The following DLGAP2 variants were observed in gnomAD, a reference collection of about 807,000 sequenced individuals.
DLGAP2 encodes the protein disks large-associated protein 2.
In DLGAP2, 26 loss-of-function variants were observed where a neutral mutation model predicts 100.3. That is an observed-to-expected ratio of 0.26 (90% confidence interval 0.19 to 0.36). DLGAP2 has a LOEUF of 0.36. Ranked by LOEUF, DLGAP2 falls within the 10% of genes least tolerant of loss-of-function variation. The pLI, the probability that DLGAP2 is intolerant of heterozygous loss-of-function variation, is 1.00. For synonymous variants in DLGAP2, 886 were observed against 630.1 expected (o/e 1.41, Z -6.08); for missense variants, 1,858 against 1,453.2 (o/e 1.28, Z -4.53).
chr8:801,172 A>G (rs143656301), intron 1 of DLGAP2, among the ~76,000 whole-genome samples: 9 of 152,348 alleles, frequency 5.9e-5, no homozygotes, highest in Non-Finnish European at 1.0e-4. Context: ...TTCACAGAGT[A>G]CTGGGTGCAC....
rs1563275296 is a variant in DLGAP2, at chr8:1,641,905, G to GA, written c.1810+8860dup. ...GCCGGTCCTCACCTGTGTCACCCTC[G>GA]ACCCCGCCGGCCCTCACCTGTGTCA... On this transcript the variant is annotated intron_variant, in intron 8 of 14. Coordinates refer to ENST00000637795, the MANE Select transcript of DLGAP2 (RefSeq NM_001346810.2). Among the ~76,000 whole-genome samples, 40 of 108,982 alleles carry GA rather than the reference G, an allele frequency of 3.7e-4. 1 individual carries two copies. Among genetic ancestry groups the GA allele is most frequent in the African/African-American group, 1.5e-3 (34 of 22,902 alleles). 71.5% of individuals were successfully genotyped at this position (108,982 alleles called of 152,430 possible). A position where few individuals can be genotyped will look rare whatever the true frequency, so the allele number is the denominator to read the frequency against.
intron 4 of DLGAP2, among the ~76,000 whole-genome samples, chr8:1,526,325 G>A (rs1295033779): frequency 3.3e-5 from 5 of 151,922 alleles, no homozygotes; most frequent in African/African-American, 7.2e-5. Flanking sequence ...TTACCTGCAC[G>A]CCTACCGGCA....
chr8:1,602,257 TTTCTAATTAATGACA>T (rs1796652052), intron 6 of DLGAP2, among the ~76,000 whole-genome samples: 1 of 152,162 alleles, frequency 6.6e-6, no homozygotes, highest in African/African-American at 2.4e-5. Context: ...AATGTTGTTA[TTTCTAATTAATGACA>T]TTCTAGTAGA....
rs1490337435 is a variant in DLGAP2 at position 1,704,799 on chromosome 8, T to C, written c.*3393T>C. 6.6e-6 allele frequency: 1 copy of C among 151,480 alleles called. No individual in the cohort carries two copies. Among genetic ancestry groups the C allele is most frequent in the Non-Finnish European group, 1.5e-5 (1 of 67,882 alleles). 9.4% of individuals were successfully genotyped at this position (151,480 alleles called of 1,614,324 possible). On this transcript the variant is annotated 3_prime_UTR_variant, in exon 15 of 15. Transcript: ENST00000637795. Reference sequence around the variant, plus strand: ...AAAAAAAAAAAGCCTACAAACTCAGTGACCTACTACGCAGAGGGAATTTTT... The same window carrying C: ...AAAAAAAAAAAGCCTACAAACTCAGCGACCTACTACGCAGAGGGAATTTTT...
intron 6 of DLGAP2, among the ~76,000 whole-genome samples, chr8:1,610,730 A>G (rs919385163): frequency 6.9e-6 from 1 of 145,470 alleles, no homozygotes; most frequent in Non-Finnish European, 1.5e-5. Flanking sequence ...CCACAGAAAT[A>G]CAAACTACCA....
intron 2 of DLGAP2, among the ~76,000 whole-genome samples, chr8:1,064,552 G>A (rs1803185215): frequency 6.6e-6 from 1 of 152,182 alleles, no homozygotes; most frequent in African/African-American, 2.4e-5. Flanking sequence ...AAAACCACCT[G>A]CAGTTGTTGT....
chr8:741,080 G>A lies in DLGAP2; in HGVS notation c.18+3255G>A, dbSNP rs546609353. ...TTTTACCAACTAGTTTTCATCATAC[G>A]AGGCTTTCTAGTGCCACTAACTTCT... On this transcript the variant is annotated intron_variant, in intron 1 of 14. Coordinates refer to ENST00000637795, the MANE Select transcript of DLGAP2 (RefSeq NM_001346810.2). 9.8e-5 allele frequency among the ~76,000 whole-genome samples: 15 copies of A among 152,294 alleles called. No homozygotes were observed. The East Asian group carries it at 2.3e-3, about 24-fold the overall frequency.
intron 3 of DLGAP2, among the ~76,000 whole-genome samples, chr8:1,389,683 C>A (rs13276952): frequency 0.25 from 37,396 of 151,946 alleles, 4,997 homozygotes; most frequent in East Asian, 0.34. Flanking sequence ...GAGAGACAAG[C>A]ACTGCCTGTC....
At chr8:1,132,495 T>C (rs922766106) in intron 2 of DLGAP2, among the ~76,000 whole-genome samples, 19 of 152,248 alleles carry the variant, frequency 1.2e-4, no homozygotes, top group African/African-American at 4.6e-4. Flanking sequence ...CAGCAGTGAA[T>C]ACAAAACTCA....
At chr8:1,343,496 C>G (rs1801466841) in intron 3 of DLGAP2, among the ~76,000 whole-genome samples, 1 of 152,202 alleles carries the variant, frequency 6.6e-6, no homozygotes, top group Non-Finnish European at 1.5e-5. Context: ...ACTGGCACCA[C>G]ATGGCCCAGG....
chr8:1,519,245 C>T (rs183384075), intron 4 of DLGAP2, among the ~76,000 whole-genome samples: 3 of 152,246 alleles, frequency 2.0e-5, no homozygotes, highest in East Asian at 1.9e-4. Context: ...CTCAGCTTTA[C>T]GCAGCGGCAT....
chr8:1,321,351 T>TGC lies in DLGAP2; in HGVS notation c.106+62468_106+62469insGC, dbSNP rs1800897588. Among the ~76,000 whole-genome samples the TGC allele has an allele frequency of 2.0e-5, 3 of 151,360 alleles. No individual in the cohort carries two copies. In the South Asian group the frequency reaches 6.3e-4, roughly 32 times the overall value. ...GTGTCTGTGTGTCTCTGCATGTGCT[T>TGC]ATGCATCCGTACCATGTGCGTGCAT... On this transcript the variant is annotated intron_variant, in intron 3 of 14. Coordinates refer to ENST00000637795, the MANE Select transcript of DLGAP2 (RefSeq NM_001346810.2).
At chr8:1,454,028 G>C (rs574050455) in intron 3 of DLGAP2, among the ~76,000 whole-genome samples, 2 of 152,254 alleles carry the variant, frequency 1.3e-5, no homozygotes, top group Non-Finnish European at 2.9e-5. Context: ...CCGCTGAAAG[G>C]CAGAGTGGAA....
Position 800,494 on chromosome 8 carries a change from T to G in DLGAP2, c.18+62669T>G, listed in dbSNP as rs1347749937. Among the ~76,000 whole-genome samples the G allele has an allele frequency of 4.6e-5, 7 of 152,308 alleles. No homozygotes were observed. The East Asian group carries it at 1.4e-3, about 29-fold the overall frequency. On this transcript the variant is annotated intron_variant, in intron 1 of 14. Transcript: ENST00000637795. ...GCCTCCATCTGCCAGGCATGGAGAC[T>G]CTAACCCACAGCTGGGCCGGGGCCT...
At chr8:1,592,223 A>G (rs888298757) in intron 6 of DLGAP2, among the ~76,000 whole-genome samples, 8 of 152,258 alleles carry the variant, frequency 5.3e-5, no homozygotes, top group African/African-American at 1.7e-4. Flanking sequence ...TCCAGTTCAC[A>G]TTTACCAAGA....
Position 927,022 on chromosome 8 carries a change from A to T in DLGAP2, c.73+19056A>T, listed in dbSNP as rs1378430117. 8.1e-6 allele frequency: 8 copies of T among 985,188 alleles called. No individual in the cohort carries two copies. The African/African-American group carries it at 1.2e-4, about 15-fold the overall frequency. The allele number at this position is 985,188 out of a possible 1,614,324, so 61.0% of individuals were successfully genotyped here. On this transcript the variant is annotated intron_variant, in intron 2 of 14. Coordinates refer to ENST00000637795, the MANE Select transcript of DLGAP2 (RefSeq NM_001346810.2). ...GGACCCCCCGCCGAGAAAGAGAAAGAGCTCAGAGCCGGGGACTGGAGGCCT... is the reference window on the plus strand; with the variant it reads ...GGACCCCCCGCCGAGAAAGAGAAAGTGCTCAGAGCCGGGGACTGGAGGCCT...
At chr8:1,173,174 C>T (rs1474493337) in intron 2 of DLGAP2, among the ~76,000 whole-genome samples, 1 of 152,190 alleles carries the variant, frequency 6.6e-6, no homozygotes, top group Non-Finnish European at 1.5e-5. Context: ...TGGGTATCGG[C>T]AGCGGTGTCC....
chr8:1,230,260 C>A (rs1798507657), intron 2 of DLGAP2, among the ~76,000 whole-genome samples: 1 of 152,130 alleles, frequency 6.6e-6, no homozygotes, highest in Admixed American at 6.5e-5. Flanking sequence ...CTATCCTATT[C>A]TTAATAGCTA....
intron 2 of DLGAP2, among the ~76,000 whole-genome samples, chr8:1,005,386 A>G (rs1298742108): frequency 6.7e-6 from 1 of 148,324 alleles, no homozygotes; most frequent in Non-Finnish European, 1.5e-5. Context: ...TGTTTCCTGT[A>G]TTCAAAACAA....
Sources: gnomAD v4.1 joint callset for allele counts (sites outside exome capture counted in the v4.1 genomes callset) on GRCh38, gnomAD v4.1.1 for gene constraint, MANE v1.5 for transcripts, NCBI Gene and HGNC (gene_info 2026-07-23, HGNC 2026-07-21) for gene names.